MORC1: variants seen among roughly 807,000 people sequenced by gnomAD.
MORC1 encodes MORC family CW-type zinc finger 1.
Under a neutral mutation model 134.9 loss-of-function variants are expected in MORC1, and 59 were observed. The observed-to-expected ratio is 0.44, with a 90% CI of 0.35 to 0.54. MORC1 has a LOEUF of 0.54. MORC1 is among the 20% of genes least tolerant of loss of function. MORC1 has a pLI of 0.00. For missense variants in MORC1, 947 were observed against 1,134.5 expected (o/e 0.83, Z 2.37); for synonymous variants, 395 against 391.7 (o/e 1.01, Z -0.10).
chr3:109,078,245 T>A (rs1245644737), intron 8 of MORC1, among the ~76,000 whole-genome samples: 1 of 152,084 alleles, frequency 6.6e-6, no homozygotes, highest in Non-Finnish European at 1.5e-5. Context: ...GATAGAGCTC[T>A]GTCCTTATCA....
intron 9 of MORC1, among the ~76,000 whole-genome samples, chr3:109,063,892 T>C (rs1046700509): frequency 1.3e-5 from 2 of 152,182 alleles, no homozygotes; most frequent in Admixed American, 6.5e-5. Flanking sequence ...GCACCTGTTA[T>C]AGAAAATTCC....
In MORC1 at chr3:109,094,819, C is replaced by CA. The variant is rs554884451; in HGVS notation, c.583+89dup. 2.8e-4 allele frequency: 347 copies of CA among 1,247,380 alleles called. 1 individual carries two copies. The African/African-American group carries it at 4.0e-3, about 14-fold the overall frequency. 77.3% of individuals were successfully genotyped at this position (1,247,380 alleles called of 1,614,324 possible). A position where few individuals can be genotyped will look rare whatever the true frequency, so the allele number is the denominator to read the frequency against. ...GTGAATCCACATGAGATTATAAGAA[C>CA]AAAAAAAATGAAAACATATGTACAG... On this transcript the variant is annotated intron_variant, in intron 7 of 27. Transcript: ENST00000232603.
chr3:109,003,859 G>A (rs907164162), intron 20 of MORC1, among the ~76,000 whole-genome samples: 1 of 152,136 alleles, frequency 6.6e-6, no homozygotes, highest in African/African-American at 2.4e-5. Context: ...CCCAAAAATG[G>A]TATTAAGGAA....
chr3:109,032,203 A>T (rs1295335624), intron 16 of MORC1, among the ~76,000 whole-genome samples: 1 of 152,196 alleles, frequency 6.6e-6, no homozygotes, highest in Non-Finnish European at 1.5e-5. Context: ...CATTTTCCCT[A>T]TGGGGGAAAA....
Position 109,000,671 on chromosome 3 carries a change from A to T in MORC1, c.2086-13T>A. ...CCCAAGAAGCGGCCTATAACAAGGA[A>T]TTAACAAAAAAAATACAAGGATTAG... On this transcript the variant is annotated splice_polypyrimidine_tract_variant and intron_variant, in intron 20 of 27. Transcript: ENST00000232603. 1 of 1,591,788 alleles carries T rather than the reference A, an allele frequency of 6.3e-7. No individual in the cohort carries two copies. Among genetic ancestry groups the T allele is most frequent in the South Asian group, 1.1e-5 (1 of 89,320 alleles).
intron 24 of MORC1, among the ~76,000 whole-genome samples, chr3:108,973,594 GGTT>G (rs376478293): frequency 0.14 from 16,740 of 123,274 alleles, 1,173 homozygotes; most frequent in Non-Finnish European, 0.16. Flanking sequence ...GCTTTGTTTT[GGTT>G]TTTTTTTTTT....
At chr3:109,100,983 T>C (rs114107590) in intron 4 of MORC1, among the ~76,000 whole-genome samples, 2,560 of 152,282 alleles carry the variant, frequency 0.017, 70 homozygotes, top group African/African-American at 0.058. Flanking sequence ...CTGGAATCCA[T>C]TCCCTACAGA....
intron 21 of MORC1, among the ~76,000 whole-genome samples, chr3:108,991,595 C>T (rs1333182098): frequency 6.6e-6 from 1 of 152,206 alleles, no homozygotes; most frequent in Non-Finnish European, 1.5e-5. Flanking sequence ...CTCTCAACTT[C>T]TCAAGGAACC....
At chr3:108,980,724 C>T (rs1947694157) in intron 23 of MORC1, among the ~76,000 whole-genome samples, 3 of 152,102 alleles carry the variant, frequency 2.0e-5, no homozygotes, top group Admixed American at 2.0e-4. Flanking sequence ...GACTTTTAAA[C>T]TAAAGTTTAT....
chr3:109,111,990 C>T (rs57123153), intron 2 of MORC1, among the ~76,000 whole-genome samples: 13,426 of 152,150 alleles, frequency 0.088, 1,519 homozygotes, highest in African/African-American at 0.26. Context: ...AATTCTCTTC[C>T]GATCCTTACC....
chr3:108,982,195 A>G (rs1947744526), intron 23 of MORC1, among the ~76,000 whole-genome samples: 1 of 152,216 alleles, frequency 6.6e-6, no homozygotes, highest in South Asian at 2.1e-4. Flanking sequence ...AATCAAAACC[A>G]CAATGAGATA....
rs551859156 is a variant in MORC1 at position 109,099,299 on chromosome 3, G to A, written c.423+59C>T. Reference sequence around the variant, plus strand: ...CCCATGACAAGACTTCACCTCCTGAGAGAGTAAATGAAAGCAACATCATTG... The same window carrying A: ...CCCATGACAAGACTTCACCTCCTGAAAGAGTAAATGAAAGCAACATCATTG... On this transcript the variant is annotated intron_variant, in intron 6 of 27. Transcript: ENST00000232603. The A allele has an allele frequency of 5.0e-6, 6 of 1,206,532 alleles. No individual in the cohort carries two copies. In the African/African-American group the frequency reaches 7.7e-5, roughly 16 times the overall value. The allele number at this position is 1,206,532 out of a possible 1,614,324, so 74.7% of individuals were successfully genotyped here.
chr3:109,052,405 TTCAGTGGGTC>T (rs2107662699), intron 14 of MORC1, among the ~76,000 whole-genome samples: 1 of 152,320 alleles, frequency 6.6e-6, no homozygotes, highest in Non-Finnish European at 1.5e-5. Flanking sequence ...CAGATTTTAA[TTCAGTGGGTC>T]TCAGGTGGGG....
At chr3:109,007,275 C>T (rs1342431575) in intron 17 of MORC1, among the ~76,000 whole-genome samples, 184 bp from the exon 18 acceptor site, 1 of 152,156 alleles carries the variant, frequency 6.6e-6, no homozygotes, top group Non-Finnish European at 1.5e-5. Context: ...TTAGTAGTGA[C>T]AAGACAGTGC....
In MORC1 at chr3:109,035,474, A is replaced by T. The variant is rs1949354742; in HGVS notation, c.1331-6T>A. 2.3e-6 allele frequency: 3 copies of T among 1,284,954 alleles called. No individual in the cohort carries two copies. The highest frequency in any genetic ancestry group is 3.8e-5 in the African/African-American group (1 of 26,426). 79.6% of individuals were successfully genotyped at this position (1,284,954 alleles called of 1,614,324 possible). On this transcript the variant is annotated splice_region_variant and splice_polypyrimidine_tract_variant and intron_variant, in intron 14 of 27. Transcript: ENST00000232603. ...CAATGTTAAATTTCTATTATCTTTT[A>T]AAAAAAAAAGCAGGCAAAGAATAAC...
intron 17 of MORC1, among the ~76,000 whole-genome samples, chr3:109,011,087 C>T (rs189675149): frequency 1.3e-5 from 2 of 152,322 alleles, no homozygotes; most frequent in Admixed American, 6.5e-5. Context: ...ACTAGGCTTA[C>T]TCCTATAATC....
intron 15 of MORC1, among the ~76,000 whole-genome samples, chr3:109,034,389 C>T (rs1476449168): frequency 6.6e-6 from 1 of 152,172 alleles, no homozygotes; most frequent in African/African-American, 2.4e-5. Flanking sequence ...GTCTTTAACT[C>T]CCTGCCCCTT....
At chr3:109,000,142 T>C (rs113407290) in intron 21 of MORC1, among the ~76,000 whole-genome samples, 1 of 152,220 alleles carries the variant, frequency 6.6e-6, no homozygotes, top group Non-Finnish European at 1.5e-5. Context: ...CACTTTTCTC[T>C]GCCTAATTTA....
chr3:109,096,407 C>G (rs1191355940), intron 6 of MORC1, among the ~76,000 whole-genome samples: 1 of 152,138 alleles, frequency 6.6e-6, no homozygotes, highest in East Asian at 1.9e-4. Context: ...CAAATCCCAC[C>G]AAAACCAAGA....
Sources: allele counts gnomAD v4.1 joint callset (sites outside exome capture counted in the v4.1 genomes callset), GRCh38; gene constraint gnomAD v4.1.1; transcripts MANE v1.5; gene names NCBI Gene and HGNC (gene_info 2026-07-23, HGNC 2026-07-21).